NUCB1: variants seen among roughly 807,000 people sequenced by gnomAD.
NUCB1 encodes nucleobindin-1.
In NUCB1, 47 loss-of-function variants were observed where a neutral mutation model predicts 61.2. That is an observed-to-expected ratio of 0.77 (90% confidence interval 0.61 to 0.98). The LOEUF is 0.98. Among genes scored for constraint, NUCB1 ranks in the 50% least tolerant of loss-of-function variants. The pLI is 0.00. For missense variants in NUCB1, 583 were observed against 605.3 expected (o/e 0.96, Z 0.39); for synonymous variants, 234 against 243.1 (o/e 0.96, Z 0.35).
At chr19:48,918,979 G>C (rs547737934) in intron 8 of NUCB1, 51 bp from the exon 9 acceptor site, 2 of 1,563,844 alleles carry the variant, frequency 1.3e-6, no homozygotes, top group African/African-American at 1.4e-5. Flanking sequence ...TGTCGGGAAT[G>C]AGCTCGCTGG....
chr19:48,919,397 CCTGGGTCACTGCATCTCTATCT>C, intron 10 of NUCB1, 111 bp downstream of exon 10: 1 of 701,510 alleles, frequency 1.4e-6, no homozygotes, highest in Non-Finnish European at 2.4e-6. Context: ...CGTCCATTCT[CCTGGGTCACTGCATCTCTATCT>C]CTGGGTCTCT....
At chr19:48,901,933 T>C (rs532936321) in intron 2 of NUCB1, among the ~76,000 whole-genome samples, 1 of 152,310 alleles carries the variant, frequency 6.6e-6, no homozygotes, top group African/African-American at 2.4e-5. Flanking sequence ...CCATTCCACA[T>C]GTTTCCTGAG....
intron 2 of NUCB1, among the ~76,000 whole-genome samples, chr19:48,902,420 C>CTTTTT (rs58758940): frequency 2.3e-5 from 3 of 130,028 alleles, no homozygotes; most frequent in East Asian, 2.3e-4. Context: ...TTTCCTTTTT[C>CTTTTT]TTTTTTTTTT....
chr19:48,914,363 C>A (rs1473903055), intron 7 of NUCB1, among the ~76,000 whole-genome samples: 1 of 152,030 alleles, frequency 6.6e-6, no homozygotes, highest in South Asian at 2.1e-4. Flanking sequence ...GGTTGCCAAG[C>A]CCCCTCAGGT....
chr19:48,908,081 C>T (rs1157240884), intron 4 of NUCB1, among the ~76,000 whole-genome samples: 2 of 152,096 alleles, frequency 1.3e-5, no homozygotes, highest in East Asian at 1.9e-4. Context: ...ATCCCTTGGT[C>T]GCCTGTTCTC....
At chr19:48,917,479 A>G (rs909218007) in intron 7 of NUCB1, among the ~76,000 whole-genome samples, 2 of 138,832 alleles carry the variant, frequency 1.4e-5, no homozygotes, top group African/African-American at 5.0e-5. Context: ...GCACACCACC[A>G]TGCCCAGCCA....
At chr19:48,922,258 G>T in intron 12 of NUCB1, 60 bp from the exon 13 acceptor site, 1 of 1,423,462 alleles carries the variant, frequency 7.0e-7, no homozygotes, top group Non-Finnish European at 9.9e-7. Flanking sequence ...GGGCCTCTGG[G>T]GTCCTGGGGG....
chr19:48,906,677 T>A (rs933784800), intron 4 of NUCB1, among the ~76,000 whole-genome samples: 3 of 151,932 alleles, frequency 2.0e-5, no homozygotes, highest in African/African-American at 7.3e-5. Context: ...GAGCCATGAC[T>A]GCGCCACTGT....
intron 4 of NUCB1, among the ~76,000 whole-genome samples, chr19:48,907,610 A>C (rs538464389): frequency 3.8e-4 from 58 of 152,246 alleles, no homozygotes; most frequent in Non-Finnish European, 6.8e-4. Context: ...CCCATCCGCC[A>C]GGACCCCTTA....
At chr19:48,916,901 C>T (rs143657583) in intron 7 of NUCB1, among the ~76,000 whole-genome samples, 39 of 151,388 alleles carry the variant, frequency 2.6e-4, no homozygotes, top group African/African-American at 8.0e-4. Context: ...GGCAACAGAG[C>T]GAGACTCTGT....
At chr19:48,918,014 G>A (rs1196938840) in intron 7 of NUCB1, among the ~76,000 whole-genome samples, 2 of 151,982 alleles carry the variant, frequency 1.3e-5, no homozygotes, top group African/African-American at 2.4e-5. Context: ...ACTGGACAGC[G>A]CAGATCCAGA....
At chr19:48,913,897 G>A (rs970443906) in intron 7 of NUCB1, among the ~76,000 whole-genome samples, 13 of 152,050 alleles carry the variant, frequency 8.5e-5, no homozygotes, top group African/African-American at 2.2e-4. Context: ...GAACCCTGTC[G>A]CTAGGAGTGG....
chr19:48,921,229 G>C lies in NUCB1; in HGVS notation c.1078G>C (p.Glu360Gln). 1 of 1,613,232 alleles carries C rather than the reference G, an allele frequency of 6.2e-7. No individual in the cohort carries two copies. The highest frequency in any genetic ancestry group is 8.5e-7 in the Non-Finnish European group (1 of 1,179,932). ...FEEELAAREA[E>Q]LNAKAQRLSQ... ...AGAGGAGCTGGCTGCCCGGGAGGCA[G>C]AGCTGAATGCCAAGGCCCAGCGCCT... is the stretch of plus-strand genomic sequence containing the variant. The change falls in exon 11 of 13, where the codon GAG (glutamate) becomes CAG (glutamine). Residue 360 changes from glutamate (E) to glutamine (Q), a missense_variant. Glu to Gln is a conservative substitution (Grantham distance 29). Coordinates refer to ENST00000405315, the MANE Select transcript of NUCB1 (RefSeq NM_006184.6).
At chr19:48,914,195 C>T (rs979235733) in intron 7 of NUCB1, among the ~76,000 whole-genome samples, 6 of 151,962 alleles carry the variant, frequency 3.9e-5, no homozygotes, top group African/African-American at 9.7e-5. Context: ...AGGCTGGTCT[C>T]GAACTCCCAA....
intron 7 of NUCB1, among the ~76,000 whole-genome samples, chr19:48,915,081 A>G (rs1361349905): frequency 1.3e-5 from 2 of 152,138 alleles, no homozygotes; most frequent in Admixed American, 1.3e-4. Flanking sequence ...CTCCATCTCA[A>G]AAAAACAAAG....
At chr19:48,909,211 C>A (rs2122178354) in intron 4 of NUCB1, among the ~76,000 whole-genome samples, 1 of 151,298 alleles carries the variant, frequency 6.6e-6, no homozygotes, top group Middle Eastern at 3.4e-3. Flanking sequence ...CCAAATTTCT[C>A]CTTCCATTAT....
chr19:48,914,726 G>A (rs1327708119), intron 7 of NUCB1, among the ~76,000 whole-genome samples: 1 of 152,020 alleles, frequency 6.6e-6, no homozygotes, highest in Non-Finnish European at 1.5e-5. Context: ...GTGGAAGATG[G>A]CTTGAGCCCA....
At chr19:48,916,030 C>T (rs980051507) in intron 7 of NUCB1, among the ~76,000 whole-genome samples, 2 of 152,124 alleles carry the variant, frequency 1.3e-5, no homozygotes, top group African/African-American at 4.8e-5. Context: ...CTCTTCATCT[C>T]GCACAACCGA....
At chr19:48,910,999 C>T in intron 4 of NUCB1, 150 bp from the exon 5 acceptor site, 1 of 601,452 alleles carries the variant, frequency 1.7e-6, no homozygotes, top group Non-Finnish European at 3.0e-6. Context: ...GGATCACCTC[C>T]TCCAGGAAGC....
Sources: allele counts gnomAD v4.1 joint callset (sites outside exome capture counted in the v4.1 genomes callset), GRCh38; gene constraint gnomAD v4.1.1; transcripts MANE v1.5; gene names NCBI Gene and HGNC (gene_info 2026-07-23, HGNC 2026-07-21).